The following PRKAG2 variants were observed in gnomAD, a reference collection of about 807,000 sequenced individuals.
PRKAG2 encodes the protein protein kinase AMP-activated non-catalytic subunit gamma 2, also known as 5'-AMP-activated protein kinase subunit gamma-2.
A neutral mutation model predicts 69.6 loss-of-function variants in PRKAG2; 26 were observed. The ratio of observed to expected loss-of-function variants is 0.37; its 90% CI spans 0.27 to 0.52. The LOEUF (loss-of-function observed/expected upper bound fraction) is 0.52. Ranked by LOEUF, PRKAG2 falls within the 20% of genes least tolerant of loss-of-function variation. The probability of loss-of-function intolerance (pLI) is 0.90; values close to 1 mark genes in which losing one functional copy is unlikely to be tolerated. For synonymous variants in PRKAG2, 293 were observed against 285.0 expected (o/e 1.03, Z -0.28); for missense variants, 557 against 740.0 (o/e 0.75, Z 2.87).
chr7:151,570,083 C>T (rs1005983015), intron 10 of PRKAG2, 88 bp downstream of exon 10: 21 of 1,458,110 alleles, frequency 1.4e-5, no homozygotes, highest in Non-Finnish European at 1.9e-5. Context: ...GAATGAAGAA[C>T]ATGTTTATTT....
intron 4 of PRKAG2, among the ~76,000 whole-genome samples, chr7:151,664,432 C>G (rs1179798751): frequency 6.6e-6 from 1 of 152,020 alleles, no homozygotes; most frequent in Non-Finnish European, 1.5e-5. Flanking sequence ...AAAGAGGTGC[C>G]CTCCCTGCCT....
At position 151,680,755 on chromosome 7, in the gene PRKAG2, G is replaced by A. The variant is rs1486759214; in HGVS notation, c.467-5118C>T. 2.0e-5 allele frequency among the ~76,000 whole-genome samples: 3 copies of A among 152,150 alleles called. No homozygotes were observed. In the South Asian group the frequency reaches 6.2e-4, roughly 31 times the overall value. On this transcript the variant is annotated intron_variant, in intron 3 of 15. Transcript: ENST00000287878. Reference sequence around the variant, plus strand: ...TGCTTCCTGCCCTGCCTGCCCCGACGCGCCCCCCAGCTCTGTGCAGGGGTG... The same window carrying A: ...TGCTTCCTGCCCTGCCTGCCCCGACACGCCCCCCAGCTCTGTGCAGGGGTG...
Position 151,639,522 on chromosome 7 carries a change from G to A in PRKAG2, c.685-7384C>T, listed in dbSNP as rs369381818. Among the ~76,000 whole-genome samples, 49 of 152,278 alleles carry A rather than the reference G, an allele frequency of 3.2e-4. No individual in the cohort carries two copies. In the East Asian group the frequency reaches 7.1e-3, roughly 22 times the overall value. ...GGGAAGATCTGCCTCCAGTGTGGGC[G>A]GGCGCCATCTAATTAGCTGGGGGCC... On this transcript the variant is annotated intron_variant, in intron 4 of 15. Coordinates refer to ENST00000287878, the MANE Select transcript of PRKAG2 (RefSeq NM_016203.4).
At chr7:151,793,584 C>T (rs1422869684) in intron 1 of PRKAG2, among the ~76,000 whole-genome samples, 1 of 152,204 alleles carries the variant, frequency 6.6e-6, no homozygotes, top group African/African-American at 2.4e-5. Context: ...CCCACCTTGC[C>T]TGCCCTCAGT....
At chr7:151,785,316 G>A (rs979866744) in intron 2 of PRKAG2, among the ~76,000 whole-genome samples, 2 of 152,232 alleles carry the variant, frequency 1.3e-5, no homozygotes, top group African/African-American at 4.8e-5. Context: ...AGTCAAACAG[G>A]AGGAAGACGA....
At chr7:151,716,180 G>C (rs1197537452) in intron 3 of PRKAG2, among the ~76,000 whole-genome samples, 1 of 152,178 alleles carries the variant, frequency 6.6e-6, no homozygotes, top group Non-Finnish European at 1.5e-5. Flanking sequence ...CACAAATCAG[G>C]AAGTTCACAG....
In PRKAG2 at chr7:151,836,391, G is replaced by A. The variant is rs2079148567; in HGVS notation, c.114+40116C>T. Among the ~76,000 whole-genome samples the A allele has an allele frequency of 6.6e-6, 1 of 152,276 alleles. No individual in the cohort carries two copies. The highest frequency in any genetic ancestry group is 2.4e-5 in the African/African-American group (1 of 41,550). On this transcript the variant is annotated intron_variant, in intron 1 of 15. Transcript: ENST00000287878. The surrounding 1 kb of genome is among the most constrained non-coding windows in gnomAD (Gnocchi z 4.1). The stretch of plus-strand genomic sequence containing the variant: ...GGGTGGTGGCTGCCCCAGGCCAGCT[G>A]GTCCAGGCAGCTTCCCTGATCACCG...
chr7:151,858,466 G>A (rs527613050), intron 1 of PRKAG2, among the ~76,000 whole-genome samples: 14 of 152,288 alleles, frequency 9.2e-5, no homozygotes, highest in African/African-American at 3.1e-4. Context: ...ATAAAGATAC[G>A]TGTCAGGGAT....
intron 3 of PRKAG2, among the ~76,000 whole-genome samples, chr7:151,763,978 G>C (rs543632294): frequency 1.3e-5 from 2 of 152,246 alleles, no homozygotes; most frequent in Admixed American, 1.3e-4. Context: ...AGGAGTTGGT[G>C]TCTAAAAGGG....
intron 5 of PRKAG2, among the ~76,000 whole-genome samples, chr7:151,607,374 CA>C (rs1481944040): frequency 6.6e-6 from 1 of 152,138 alleles, no homozygotes; most frequent in Non-Finnish European, 1.5e-5. Flanking sequence ...CTTGAACTCT[CA>C]GGCTCAAGCA....
At chr7:151,647,088 G>A (rs75538069) in intron 4 of PRKAG2, among the ~76,000 whole-genome samples, 13,778 of 152,282 alleles carry the variant, frequency 0.09, 781 homozygotes, top group Middle Eastern at 0.13. Context: ...GCACAGCCCC[G>A]TCCATCCCCT....
chr7:151,853,990 G>A (rs1445803304), intron 1 of PRKAG2, among the ~76,000 whole-genome samples: 1 of 151,686 alleles, frequency 6.6e-6, no homozygotes, highest in Non-Finnish European at 1.5e-5. Context: ...TACAGACAAG[G>A]ATAACCTTGG....
chr7:151,860,602 G>A (rs1057369742), intron 1 of PRKAG2, among the ~76,000 whole-genome samples: 1 of 152,142 alleles, frequency 6.6e-6, no homozygotes, highest in African/African-American at 2.4e-5. Flanking sequence ...CAGACTGGAA[G>A]GAGATGACTT....
chr7:151,698,704 T>C (rs1837137388), intron 3 of PRKAG2, among the ~76,000 whole-genome samples: 1 of 152,128 alleles, frequency 6.6e-6, no homozygotes, highest in African/African-American at 2.4e-5. Context: ...TGAACTGAAA[T>C]CAACCTCCTT....
intron 1 of PRKAG2, among the ~76,000 whole-genome samples, chr7:151,842,798 A>C (rs755988675): frequency 1.1e-4 from 16 of 151,778 alleles, no homozygotes; most frequent in Non-Finnish European, 2.2e-4. Flanking sequence ...CGGTGGTAGC[A>C]TGGGGATGCT....
intron 1 of PRKAG2, among the ~76,000 whole-genome samples, chr7:151,797,645 T>C (rs1228154348): frequency 1.3e-5 from 2 of 152,344 alleles, no homozygotes; most frequent in East Asian, 3.9e-4. Context: ...TACTCCATCT[T>C]GTTTCACCCA....
At chr7:151,830,117 G>GT (rs2078990196) in intron 1 of PRKAG2, among the ~76,000 whole-genome samples, 3 of 121,208 alleles carry the variant, frequency 2.5e-5, no homozygotes, top group Admixed American at 1.7e-4. Context: ...TGTTCCACCT[G>GT]GTTTTTTTTT....
chr7:151,623,714 A>G (rs58373858), intron 5 of PRKAG2, among the ~76,000 whole-genome samples: 1,905 of 152,336 alleles, frequency 0.013, 28 homozygotes, highest in African/African-American at 0.043. Context: ...AAGTTCTCAC[A>G]GTTATTAAGT....
intron 3 of PRKAG2, among the ~76,000 whole-genome samples, chr7:151,704,699 T>C (rs760147076): frequency 4.7e-4 from 71 of 152,222 alleles, no homozygotes; most frequent in Admixed American, 2.0e-3. Flanking sequence ...TGAGCATTTG[T>C]GGAACACCTA....
Sources: gnomAD v4.1 joint callset for allele counts (sites outside exome capture counted in the v4.1 genomes callset) on GRCh38, gnomAD v4.1.1 for gene constraint, Gnocchi (gnomAD v3.1) non-coding constraint, MANE v1.5 for transcripts, NCBI Gene and HGNC (gene_info 2026-07-23, HGNC 2026-07-21) for gene names.